The following PTPRG variants were observed in gnomAD, a reference collection of about 807,000 sequenced individuals.
The protein encoded by PTPRG is protein tyrosine phosphatase receptor type G.
A neutral mutation model predicts 165.3 loss-of-function variants in PTPRG; 102 were observed. That is an observed-to-expected ratio of 0.62 (90% confidence interval 0.53 to 0.73). PTPRG has a LOEUF of 0.73. Among genes scored for constraint, PTPRG ranks in the 30% least tolerant of loss-of-function variants. The pLI is 0.00. For missense variants in PTPRG, 1,866 were observed against 1,861.4 expected, an observed-to-expected ratio of 1.00 and a Z score of -0.05; for synonymous variants, 675 against 669.5, an observed-to-expected ratio of 1.01 and a Z score of -0.13.
At chr3:62,062,895 C>T (rs1307986628) in intron 4 of PTPRG, among the ~76,000 whole-genome samples, 4 of 151,970 alleles carry the variant, frequency 2.6e-5, no homozygotes, top group African/African-American at 9.7e-5. Context: ...CTCAAGCTAT[C>T]TGCCCGTCTC....
In PTPRG at chr3:61,989,655, C is replaced by T. The variant is rs2040836888; in HGVS notation, c.221C>T (p.Ser74Phe). ...TATGGTCCTGAGCACTGGGTCACGT[C>T]TAGTGTCAGCTGTGGGGGCCGTCAC... Reference protein sequence around the residue: ...GAYGPEHWVTSSVSCGGRHQS... With the variant: ...GAYGPEHWVTFSVSCGGRHQS... The change falls in exon 3 of 30, where the codon TCT becomes TTT. Residue 74 changes from serine (S) to phenylalanine (F), a missense_variant. This residue lies in a region of PTPRG where 408 missense variants were observed against 376.2 expected (regional missense o/e 1.08). Coordinates refer to ENST00000474889, the MANE Select transcript of PTPRG (RefSeq NM_002841.4). 5.0e-6 allele frequency: 8 copies of T among 1,614,096 alleles called. No individual in the cohort carries two copies. The highest frequency in any genetic ancestry group is 2.2e-5 in the East Asian group (1 of 44,872).
intron 1 of PTPRG, among the ~76,000 whole-genome samples, chr3:61,676,060 T>G (rs530826659): frequency 6.6e-6 from 1 of 152,268 alleles, no homozygotes; most frequent in East Asian, 1.9e-4. Flanking sequence ...TTTTATTTAT[T>G]TTTCACTACC....
At chr3:61,739,853 C>T (rs994369092) in intron 1 of PTPRG, among the ~76,000 whole-genome samples, 2 of 152,212 alleles carry the variant, frequency 1.3e-5, no homozygotes, top group African/African-American at 4.8e-5. Flanking sequence ...CATGACTCTT[C>T]TCTAAAGAGC....
chr3:62,246,973 T>C (rs1285903059), intron 15 of PTPRG, among the ~76,000 whole-genome samples: 1 of 152,150 alleles, frequency 6.6e-6, no homozygotes, highest in African/African-American at 2.4e-5. Flanking sequence ...CAGGGTGAAG[T>C]TGAAAATTCT....
intron 12 of PTPRG, among the ~76,000 whole-genome samples, chr3:62,206,762 G>T (rs1212082579): frequency 6.6e-6 from 1 of 151,766 alleles, no homozygotes; most frequent in Non-Finnish European, 1.5e-5. Context: ...GTGAAACCCC[G>T]TCTCTAGAAA....
chr3:61,739,644 C>T (rs930315373), intron 1 of PTPRG, among the ~76,000 whole-genome samples: 6 of 152,142 alleles, frequency 3.9e-5, no homozygotes, highest in Non-Finnish European at 2.9e-5. Flanking sequence ...AGCTACAGGA[C>T]TACTGGAAGA....
chr3:61,781,563 A>G (rs1410795745), intron 2 of PTPRG, among the ~76,000 whole-genome samples: 1 of 152,180 alleles, frequency 6.6e-6, no homozygotes, highest in Non-Finnish European at 1.5e-5. Flanking sequence ...AGTTTCCTAC[A>G]TGAGGCAAAA....
At position 62,224,820 on chromosome 3, in the gene PTPRG, T is replaced by A. The variant is rs1700724846; in HGVS notation, c.2288+5837T>A. Among the ~76,000 whole-genome samples the A allele has an allele frequency of 6.6e-6, 1 of 152,194 alleles. No individual in the cohort carries two copies. Among genetic ancestry groups the A allele is most frequent in the Non-Finnish European group, 1.5e-5 (1 of 68,036 alleles). On this transcript the variant is annotated intron_variant, in intron 13 of 29. Coordinates refer to ENST00000474889, the MANE Select transcript of PTPRG (RefSeq NM_002841.4). This position sits in a 1 kb window ranked among gnomAD's most constrained non-coding sequence, Gnocchi z 4.9. ...TATTCTAAAATGTTTTTAGCTGAGC[T>A]GTTTCAGGTAGGACACTATAGTTCT...
intron 8 of PTPRG, among the ~76,000 whole-genome samples, chr3:62,189,433 A>C (rs1439359635): frequency 6.6e-6 from 1 of 152,120 alleles, no homozygotes; most frequent in East Asian, 1.9e-4. Context: ...GGTGGGCTGC[A>C]GGGCATGTGG....
At chr3:62,249,843 A>T (rs547892976) in intron 15 of PTPRG, among the ~76,000 whole-genome samples, 2 of 152,270 alleles carry the variant, frequency 1.3e-5, no homozygotes, top group South Asian at 4.1e-4. Flanking sequence ...TTTTAAATGT[A>T]AGCTCTAGGG....
Position 61,866,582 on chromosome 3 carries a change from C to CTTTTTTTTTTTTTTTT in PTPRG, c.190+117621_190+117636dup, listed in dbSNP as rs532356516. On this transcript the variant is annotated intron_variant, in intron 2 of 29. Transcript: ENST00000474889. ...TTCCCTGGCTTTGGAACTGTTTGCT[C>CTTTTTTTTTTTTTTTT]TTTTTTTTTTTTTTTTTTTTTTTTT... Among the ~76,000 whole-genome samples the CTTTTTTTTTTTTTTTT allele has an allele frequency of 1.2e-4, 8 of 69,108 alleles. 1 individual carries two copies. Among genetic ancestry groups the CTTTTTTTTTTTTTTTT allele is most frequent in the Non-Finnish European group, 1.5e-4 (5 of 33,140 alleles). 45.3% of individuals were successfully genotyped at this position (69,108 alleles called of 152,430 possible). A position where few individuals can be genotyped will look rare whatever the true frequency, so the allele number is the denominator to read the frequency against.
At chr3:61,994,725 A>G (rs115431497) in intron 3 of PTPRG, among the ~76,000 whole-genome samples, 97 of 152,318 alleles carry the variant, frequency 6.4e-4, no homozygotes, top group African/African-American at 2.2e-3. Context: ...ACTAATTGCA[A>G]GCTGGTAAAA....
At chr3:62,226,964 T>C (rs1175221595) in intron 13 of PTPRG, among the ~76,000 whole-genome samples, 1 of 151,236 alleles carries the variant, frequency 6.6e-6, no homozygotes, top group African/African-American at 2.4e-5. Context: ...GACATTGCAA[T>C]TTTTTTTCTT....
intron 3 of PTPRG, among the ~76,000 whole-genome samples, chr3:62,002,760 A>T (rs1408948840): frequency 6.6e-6 from 1 of 152,166 alleles, no homozygotes; most frequent in Non-Finnish European, 1.5e-5. Context: ...TCAAGAGTAG[A>T]TTTTTGCATT....
chr3:61,606,717 C>G lies in PTPRG; in HGVS notation c.85+44345C>G, dbSNP rs776092643. Among the ~76,000 whole-genome samples the G allele has an allele frequency of 3.9e-5, 6 of 152,310 alleles. No homozygotes were observed. The South Asian group carries it at 1.2e-3, about 32-fold the overall frequency. On this transcript the variant is annotated intron_variant, in intron 1 of 29. Coordinates refer to ENST00000474889, the MANE Select transcript of PTPRG (RefSeq NM_002841.4). ...TCCTCCAGAGGGGAGGAACACTGCC[C>G]TCAACATGGTGGAAGGAAGAAAGGC...
At chr3:61,812,058 T>G (rs2035596519) in intron 2 of PTPRG, among the ~76,000 whole-genome samples, 1 of 152,232 alleles carries the variant, frequency 6.6e-6, no homozygotes, top group Admixed American at 6.5e-5. Context: ...CACCATGAGT[T>G]AAGCCTTAGT....
intron 1 of PTPRG, among the ~76,000 whole-genome samples, chr3:61,563,297 G>C (rs955632549): frequency 6.6e-6 from 1 of 152,160 alleles, no homozygotes; most frequent in Non-Finnish European, 1.5e-5. Flanking sequence ...TTCTGGCCAG[G>C]TTAAGACAGG....
intron 2 of PTPRG, among the ~76,000 whole-genome samples, chr3:61,833,496 C>T (rs976881804): frequency 3.9e-5 from 6 of 152,142 alleles, no homozygotes; most frequent in Admixed American, 2.0e-4. Flanking sequence ...GTGCCAATGC[C>T]CTGGTGAATC....
intron 4 of PTPRG, among the ~76,000 whole-genome samples, chr3:62,059,185 A>G (rs1037896682): frequency 6.6e-6 from 1 of 152,220 alleles, no homozygotes; most frequent in Non-Finnish European, 1.5e-5. Flanking sequence ...GCTATGTAGA[A>G]TTGTCATGAA....
Sources: allele counts gnomAD v4.1 joint callset (sites outside exome capture counted in the v4.1 genomes callset), GRCh38; gene constraint gnomAD v4.1.1; regional missense constraint gnomAD v4.1.1; non-coding constraint Gnocchi (gnomAD v3.1); transcripts MANE v1.5; gene names NCBI Gene and HGNC (gene_info 2026-07-23, HGNC 2026-07-21).